DLG2: variants seen among roughly 807,000 people sequenced by gnomAD.
DLG2 encodes the protein discs large MAGUK scaffold protein 2, also known as disks large homolog 2.
DLG2 carries 45 observed loss-of-function variants against 132.5 expected under a neutral mutation model. That is an observed-to-expected ratio of 0.34 (90% CI 0.27 to 0.44). The LOEUF (loss-of-function observed/expected upper bound fraction) is 0.44. Among genes scored for constraint, DLG2 ranks in the 20% least tolerant of loss-of-function variants. The pLI is 1.00. For synonymous variants in DLG2, 424 were observed against 419.6 expected (o/e 1.01, Z -0.13); for missense variants, 1,045 against 1,196.9 (o/e 0.87, Z 1.87).
chr11:84,755,893 T>C (rs993446589), intron 6 of DLG2, among the ~76,000 whole-genome samples: 6 of 152,200 alleles, frequency 3.9e-5, no homozygotes, highest in African/African-American at 1.4e-4. Context: ...TGAAAGTTTA[T>C]TGTTCCCTTC....
intron 18 of DLG2, among the ~76,000 whole-genome samples, chr11:83,723,573 G>T (rs2089261496): frequency 6.6e-6 from 1 of 152,078 alleles, no homozygotes; most frequent in Non-Finnish European, 1.5e-5. Context: ...TATCTTGGGG[G>T]GCCAGAAATA....
chr11:85,072,144 C>T (rs1031224003), intron 6 of DLG2, among the ~76,000 whole-genome samples: 12 of 151,794 alleles, frequency 7.9e-5, no homozygotes, highest in African/African-American at 2.9e-4. Flanking sequence ...GCTACAGAAA[C>T]AAGAGCTTAT....
chr11:85,319,821 CCTT>C (rs1468100720), intron 3 of DLG2, among the ~76,000 whole-genome samples: 1 of 151,834 alleles, frequency 6.6e-6, no homozygotes, highest in Admixed American at 6.6e-5. Context: ...TCTCTGATGA[CCTT>C]CTCAATTGCA....
At chr11:83,684,672 T>C (rs1352665168) in intron 18 of DLG2, 1 of 152,132 alleles carries the variant, frequency 6.6e-6, no homozygotes, top group Non-Finnish European at 1.5e-5. Flanking sequence ...ACTTCCTATA[T>C]GTCTGAAGTA....
At chr11:84,654,431 C>T (rs1594961796) in intron 6 of DLG2, among the ~76,000 whole-genome samples, 2 of 152,140 alleles carry the variant, frequency 1.3e-5, no homozygotes, top group East Asian at 3.9e-4. Flanking sequence ...CTATTTTTCA[C>T]CTGCTAACTA....
intron 2 of DLG2, among the ~76,000 whole-genome samples, chr11:85,607,203 C>A (rs756097206): frequency 1.3e-5 from 2 of 152,136 alleles, no homozygotes; most frequent in Non-Finnish European, 1.5e-5. Flanking sequence ...CTAGCACAGC[C>A]GCCGGACTAA....
At chr11:83,829,146 T>C (rs545160146) in intron 17 of DLG2, among the ~76,000 whole-genome samples, 1 of 152,228 alleles carries the variant, frequency 6.6e-6, no homozygotes, top group Non-Finnish European at 1.5e-5. Context: ...ACATGACTTA[T>C]TTGCAAATTA....
intron 17 of DLG2, among the ~76,000 whole-genome samples, chr11:83,821,062 G>A (rs1324903667): frequency 6.6e-6 from 1 of 152,202 alleles, no homozygotes; most frequent in African/African-American, 2.4e-5. Flanking sequence ...ACCTGTGTGT[G>A]CCTAGCACTG....
chr11:84,385,066 A>T (rs549890730), intron 7 of DLG2, among the ~76,000 whole-genome samples: 21 of 152,224 alleles, frequency 1.4e-4, no homozygotes, highest in Admixed American at 6.5e-4. Context: ...CATAACTCCC[A>T]ATTTGCCTCT....
intron 18 of DLG2, among the ~76,000 whole-genome samples, chr11:83,757,852 AT>A (rs2093717617): frequency 6.6e-6 from 1 of 151,906 alleles, no homozygotes; most frequent in Non-Finnish European, 1.5e-5. Context: ...TATTTCCCTT[AT>A]TTTCTCTCCT....
intron 6 of DLG2, among the ~76,000 whole-genome samples, chr11:84,697,034 A>C (rs181967903): frequency 1.7e-3 from 254 of 151,542 alleles, no homozygotes; most frequent in African/African-American, 5.7e-3. Context: ...GAAATAGAGG[A>C]GTTAACAATA....
chr11:85,309,521 T>G (rs1362283088), intron 3 of DLG2, among the ~76,000 whole-genome samples: 2 of 151,950 alleles, frequency 1.3e-5, no homozygotes, highest in African/African-American at 4.8e-5. Flanking sequence ...CTGCAAAAAT[T>G]GTTTCTAATT....
At chr11:83,814,724 A>G (rs191844944) in intron 17 of DLG2, 240 of 167,812 alleles carry the variant, frequency 1.4e-3, no homozygotes, top group Non-Finnish European at 2.5e-3. Flanking sequence ...TTTCATTTTC[A>G]TAATTTCATA....
intron 7 of DLG2, among the ~76,000 whole-genome samples, chr11:84,391,119 T>A (rs185373983): frequency 6.6e-6 from 1 of 152,250 alleles, no homozygotes; most frequent in African/African-American, 2.4e-5. Context: ...TGTCACTAGG[T>A]TTAGTTGTAA....
At chr11:84,495,406 C>T (rs1473787145) in intron 7 of DLG2, among the ~76,000 whole-genome samples, 2 of 152,106 alleles carry the variant, frequency 1.3e-5, no homozygotes, top group Non-Finnish European at 2.9e-5. Flanking sequence ...ACCATCATTT[C>T]CCCTTTTTTT....
At chr11:84,888,672 CAAA>C (rs5793145) in intron 6 of DLG2, among the ~76,000 whole-genome samples, 33 of 149,620 alleles carry the variant, frequency 2.2e-4, no homozygotes, top group Admixed American at 5.4e-4. Context: ...GCATCTCAGG[CAAA>C]AAAAAAAATC....
intron 8 of DLG2, among the ~76,000 whole-genome samples, chr11:84,222,693 A>G (rs962144499): frequency 6.6e-6 from 1 of 152,194 alleles, no homozygotes; most frequent in Non-Finnish European, 1.5e-5. Context: ...GTGGATGTGT[A>G]CAAAGTCACA....
At chr11:85,042,355 G>C (rs974377429) in intron 6 of DLG2, among the ~76,000 whole-genome samples, 11 of 151,942 alleles carry the variant, frequency 7.2e-5, no homozygotes, top group African/African-American at 2.7e-4. Context: ...TGTTTTAAAA[G>C]TTGCTAATAT....
chr11:83,750,848 G>T (rs2093259209), intron 18 of DLG2, among the ~76,000 whole-genome samples: 1 of 152,132 alleles, frequency 6.6e-6, no homozygotes, highest in Non-Finnish European at 1.5e-5. Flanking sequence ...CTAACTTACA[G>T]TCCAGATATG....
Sources: allele counts gnomAD v4.1 joint callset (sites outside exome capture counted in the v4.1 genomes callset), GRCh38; gene constraint gnomAD v4.1.1; transcripts MANE v1.5; gene names NCBI Gene and HGNC (gene_info 2026-07-23, HGNC 2026-07-21).